The following CDH13 variants were observed in gnomAD, a reference collection of about 807,000 sequenced individuals.
CDH13 encodes the protein cadherin-13.
A neutral mutation model predicts 63.8 loss-of-function variants in CDH13; 24 were observed. The ratio of observed to expected loss-of-function variants is 0.38; its 90% CI spans 0.27 to 0.53. The LOEUF is 0.53. Among genes scored for constraint, CDH13 ranks in the 20% least tolerant of loss-of-function variants. CDH13 has a pLI of 0.85. For synonymous variants in CDH13, 503 were observed against 355.3 expected, an observed-to-expected ratio of 1.42 and a Z score of -4.67; for missense variants, 1,049 against 903.1, an observed-to-expected ratio of 1.16 and a Z score of -2.07.
At chr16:82,848,950 A>C (rs1468153298) in intron 1 of CDH13, among the ~76,000 whole-genome samples, 1 of 152,190 alleles carries the variant, frequency 6.6e-6, no homozygotes, top group Non-Finnish European at 1.5e-5. Flanking sequence ...AGGAAACTAA[A>C]GGTGCTACTC....
At chr16:83,199,857 C>T (rs574400744) in intron 4 of CDH13, among the ~76,000 whole-genome samples, 1 of 152,194 alleles carries the variant, frequency 6.6e-6, no homozygotes, top group African/African-American at 2.4e-5. Flanking sequence ...AAGATTTGCC[C>T]AAGGTTAAAA....
intron 1 of CDH13, among the ~76,000 whole-genome samples, chr16:82,850,507 T>C (rs1343933957): frequency 6.6e-6 from 1 of 152,226 alleles, no homozygotes; most frequent in African/African-American, 2.4e-5. Flanking sequence ...GCTGTAAACA[T>C]TGTTGAAAAG....
At chr16:82,639,130 C>T (rs1237830431) in intron 1 of CDH13, among the ~76,000 whole-genome samples, 1 of 152,098 alleles carries the variant, frequency 6.6e-6, no homozygotes, top group Admixed American at 6.6e-5. Flanking sequence ...ATAAAAGTTG[C>T]CTTTCCCACT....
At chr16:83,300,294 AC>A (rs745965257) in intron 5 of CDH13, among the ~76,000 whole-genome samples, 6 of 152,354 alleles carry the variant, frequency 3.9e-5, no homozygotes, top group Non-Finnish European at 7.3e-5. Flanking sequence ...ATTTCAACTT[AC>A]TTTTAAGTTG....
intron 4 of CDH13, among the ~76,000 whole-genome samples, chr16:83,186,017 C>A (rs1364685961): frequency 6.6e-6 from 1 of 151,876 alleles, no homozygotes; most frequent in African/African-American, 2.4e-5. Context: ...TCCTGATAAA[C>A]AGCATTTAGT....
intron 1 of CDH13, among the ~76,000 whole-genome samples, chr16:82,711,547 C>T (rs1247358438): frequency 6.6e-6 from 1 of 152,132 alleles, no homozygotes; most frequent in Non-Finnish European, 1.5e-5. Context: ...CTGAAAAAAT[C>T]AGGTGTAGAA....
chr16:83,207,712 G>GA (rs994694956), intron 4 of CDH13, among the ~76,000 whole-genome samples: 4 of 143,934 alleles, frequency 2.8e-5, no homozygotes, highest in Admixed American at 7.1e-5. Flanking sequence ...TAATTATTTG[G>GA]AAAAAAATAA....
rs142581255 is a variant in CDH13, at chr16:83,221,657, CGGTG to C, written c.636+4163_636+4166del. Reference sequence around the variant, plus strand: ...CTGTTAGGCGAGTGGGGGAGGAAGACGGTGGGGGGGCGGTTGGGATGGGCTCTGC... The same window carrying C: ...CTGTTAGGCGAGTGGGGGAGGAAGACGGGGGGCGGTTGGGATGGGCTCTGC... On this transcript the variant is annotated intron_variant, in intron 5 of 13. Coordinates refer to ENST00000567109, the MANE Select transcript of CDH13 (RefSeq NM_001257.5). Among the ~76,000 whole-genome samples, 763 of 91,486 alleles carry C rather than the reference CGGTG, an allele frequency of 8.3e-3. 11 individuals are homozygous for C. The highest frequency in any genetic ancestry group is 0.031 in the African/African-American group (728 of 23,784). The allele number at this position is 91,486 out of a possible 152,430, so 60.0% of individuals were successfully genotyped here. A position where few individuals can be genotyped will look rare whatever the true frequency, so the allele number is the denominator to read the frequency against.
chr16:83,319,504 C>T (rs1340476973), intron 5 of CDH13, among the ~76,000 whole-genome samples: 1 of 151,984 alleles, frequency 6.6e-6, no homozygotes, highest in African/African-American at 2.4e-5. Context: ...AAAAACAGGC[C>T]GAATTGAATA....
intron 6 of CDH13, among the ~76,000 whole-genome samples, chr16:83,378,087 G>A (rs928481277): frequency 6.6e-6 from 1 of 152,170 alleles, no homozygotes; most frequent in Non-Finnish European, 1.5e-5. Context: ...GAAAAAGCCA[G>A]GCATTTGCTT....
chr16:83,571,645 A>G (rs1382081734), intron 7 of CDH13, among the ~76,000 whole-genome samples: 1 of 152,132 alleles, frequency 6.6e-6, no homozygotes, highest in Non-Finnish European at 1.5e-5. Context: ...GTGCCTTGAG[A>G]ATCCAGCACA....
At chr16:83,322,275 A>G (rs2090247653) in intron 5 of CDH13, among the ~76,000 whole-genome samples, 1 of 152,156 alleles carries the variant, frequency 6.6e-6, no homozygotes, top group Non-Finnish European at 1.5e-5. Context: ...GGAAGTGGAA[A>G]TGATTTGCGA....
At chr16:82,663,119 A>G (rs1181650259) in intron 1 of CDH13, among the ~76,000 whole-genome samples, 1 of 152,216 alleles carries the variant, frequency 6.6e-6, no homozygotes, top group African/African-American at 2.4e-5. Flanking sequence ...TGCGGATTGC[A>G]GGCTGCAGTG....
chr16:83,505,032 C>T (rs1036066240), intron 7 of CDH13, among the ~76,000 whole-genome samples: 6 of 152,080 alleles, frequency 3.9e-5, no homozygotes, highest in African/African-American at 1.4e-4. Flanking sequence ...ATTGATGCCT[C>T]ATCATAGTCA....
intron 3 of CDH13, among the ~76,000 whole-genome samples, chr16:83,084,555 A>C (rs140549771): frequency 6.6e-6 from 1 of 152,220 alleles, no homozygotes; most frequent in Non-Finnish European, 1.5e-5. Context: ...TGTCCTTTAG[A>C]GATACCTTTG....
At chr16:83,127,296 C>A (rs1436780322) in intron 4 of CDH13, among the ~76,000 whole-genome samples, 1 of 152,174 alleles carries the variant, frequency 6.6e-6, no homozygotes, top group African/African-American at 2.4e-5. Context: ...CCCCAGAAGA[C>A]TGCATGTTTT....
At chr16:83,317,301 G>C (rs146575338) in intron 5 of CDH13, among the ~76,000 whole-genome samples, 11 of 152,356 alleles carry the variant, frequency 7.2e-5, no homozygotes, top group Non-Finnish European at 1.5e-4. Flanking sequence ...TCTGTTGAAA[G>C]CCTTTGCTGG....
intron 1 of CDH13, among the ~76,000 whole-genome samples, chr16:82,670,372 C>G (rs1031815748): frequency 2.6e-5 from 4 of 152,188 alleles, no homozygotes; most frequent in Admixed American, 6.5e-5. Context: ...CTCCACCTTC[C>G]CCACTGATTT....
At chr16:83,288,423 T>C (rs1230536648) in intron 5 of CDH13, among the ~76,000 whole-genome samples, 4 of 152,188 alleles carry the variant, frequency 2.6e-5, no homozygotes, top group African/African-American at 9.6e-5. Context: ...AGCCTATTGC[T>C]TGGATCATGT....
Sources: gnomAD v4.1 joint callset for allele counts (sites outside exome capture counted in the v4.1 genomes callset) on GRCh38, gnomAD v4.1.1 for gene constraint, MANE v1.5 for transcripts, NCBI Gene and HGNC (gene_info 2026-07-23, HGNC 2026-07-21) for gene names.